The following NT5C1B variants were observed in gnomAD, a reference collection of about 807,000 sequenced individuals.
NT5C1B encodes 5'-nucleotidase, cytosolic IB, also known as cytosolic 5'-nucleotidase 1B.
NT5C1B carries 44 observed loss-of-function variants against 57.8 expected under a neutral mutation model. That is an observed-to-expected ratio of 0.76 (90% CI 0.60 to 0.98). The LOEUF is 0.98. Among genes scored for constraint, NT5C1B ranks in the 50% least tolerant of loss-of-function variants. NT5C1B has a pLI of 0.00. For missense variants in NT5C1B, 742 were observed against 719.5 expected (o/e 1.03, Z -0.36); for synonymous variants, 284 against 282.6 (o/e 1.00, Z -0.05).
chr2:18,589,370 CA>C, intron 1 of NT5C1B, 68 bp downstream of exon 1: 5 of 1,605,692 alleles, frequency 3.1e-6, no homozygotes, highest in Non-Finnish European at 4.3e-6. Context: ...TTTGCAGAGG[CA>C]AATGATGGAC....
chr2:18,576,509 A>G, intron 7 of NT5C1B, 141 bp from the exon 8 acceptor site: 1 of 1,245,674 alleles, frequency 8.0e-7, no homozygotes, highest in Non-Finnish European at 1.1e-6. Flanking sequence ...TCACAACCAC[A>G]GACCTCAGAA....
At chr2:18,578,985 A>G (rs550255943) in intron 6 of NT5C1B, among the ~76,000 whole-genome samples, 1 of 152,340 alleles carries the variant, frequency 6.6e-6, no homozygotes, top group African/African-American at 2.4e-5. Flanking sequence ...TAGCATTTCT[A>G]TATACCAACA....
intron 5 of NT5C1B, chr2:18,583,229 T>G (rs1328258787): frequency 2.5e-6 from 1 of 395,682 alleles, no homozygotes; most frequent in Non-Finnish European, 4.2e-6. Flanking sequence ...TGAAAATTGT[T>G]TCCACTTTGG....
intron 1 of NT5C1B, among the ~76,000 whole-genome samples, chr2:18,588,943 T>G (rs1666963276): frequency 6.6e-6 from 1 of 152,200 alleles, no homozygotes; most frequent in Non-Finnish European, 1.5e-5. Flanking sequence ...TACACCAGCC[T>G]TATTTCCTTA....
At chr2:18,583,235 T>C (rs1666338135) in intron 5 of NT5C1B, 1 of 367,942 alleles carries the variant, frequency 2.7e-6, no homozygotes, top group Non-Finnish European at 4.6e-6. Flanking sequence ...TTGTTTCCAC[T>C]TTGGGTTCAC....
chr2:18,573,289 C>A (rs1195116623), intron 8 of NT5C1B, among the ~76,000 whole-genome samples: 1 of 151,982 alleles, frequency 6.6e-6, no homozygotes, highest in Non-Finnish European at 1.5e-5. Flanking sequence ...AGGATGACTA[C>A]AAAGGGGCAT....
chr2:18,566,516 G>C (rs138890804), intron 8 of NT5C1B, among the ~76,000 whole-genome samples: 2 of 152,264 alleles, frequency 1.3e-5, no homozygotes, highest in African/African-American at 4.8e-5. Flanking sequence ...CATAGTGACT[G>C]TTGGCAGGAA....
intron 6 of NT5C1B, among the ~76,000 whole-genome samples, chr2:18,580,353 C>T (rs142552045): frequency 2.2e-3 from 333 of 152,318 alleles, no homozygotes; most frequent in Non-Finnish European, 2.6e-3. Context: ...GTGGCTCACG[C>T]CTGTAATCCC....
chr2:18,568,264 A>G (rs1044322794), intron 8 of NT5C1B, among the ~76,000 whole-genome samples: 1 of 152,196 alleles, frequency 6.6e-6, no homozygotes, highest in Non-Finnish European at 1.5e-5. Context: ...TGAGAAGACA[A>G]TGGAAGAGCA....
At chr2:18,579,479 A>G (rs2148142953) in intron 6 of NT5C1B, among the ~76,000 whole-genome samples, 1 of 152,326 alleles carries the variant, frequency 6.6e-6, no homozygotes, top group Non-Finnish European at 1.5e-5. Context: ...ACCCAGAAAT[A>G]AAGCCACACA....
At chr2:18,585,578 C>T (rs986924843) in intron 3 of NT5C1B, among the ~76,000 whole-genome samples, 3 of 152,264 alleles carry the variant, frequency 2.0e-5, no homozygotes, top group African/African-American at 7.2e-5. Flanking sequence ...CGGTGAAGCA[C>T]AGTTACATAG....
chr2:18,581,671 T>G (rs138042896), intron 6 of NT5C1B, among the ~76,000 whole-genome samples: 1 of 152,294 alleles, frequency 6.6e-6, no homozygotes, highest in East Asian at 1.9e-4. Flanking sequence ...TCATATGAAT[T>G]TCATCACCCA....
chr2:18,579,070 A>G (rs768363231), intron 6 of NT5C1B, among the ~76,000 whole-genome samples: 2 of 152,214 alleles, frequency 1.3e-5, no homozygotes, highest in Non-Finnish European at 2.9e-5. Context: ...AATACCTAGG[A>G]ATACAGCTAT....
Position 18,584,565 on chromosome 2 carries a change from T to G in NT5C1B, c.672A>C (p.Ala224=). The G allele has an allele frequency of 6.2e-7, 1 of 1,612,862 alleles. No individual in the cohort carries two copies. Among genetic ancestry groups the G allele is most frequent in the South Asian group, 1.1e-5 (1 of 90,828 alleles). ...TCTTCTCGTAGAACGACCTCATGGATGCCCAGTAGGCAGCCTCGTAGTCGT... is the reference window on the plus strand; with the variant it reads ...TCTTCTCGTAGAACGACCTCATGGAGGCCCAGTAGGCAGCCTCGTAGTCGT... Residue 224 remains alanine, a synonymous_variant, in exon 4 of 9, where the codon GCA becomes GCC. Transcript: ENST00000304081. This position sits in a 1 kb window ranked among gnomAD's most constrained non-coding sequence, Gnocchi z 5.8.
intron 3 of NT5C1B, among the ~76,000 whole-genome samples, chr2:18,585,480 T>C (rs888027399): frequency 3.9e-5 from 6 of 152,096 alleles, no homozygotes; most frequent in African/African-American, 1.4e-4. Context: ...CTCTCCCCGC[T>C]CCCCATGTGA....
intron 8 of NT5C1B, 66 bp downstream of exon 8, chr2:18,576,118 T>C (rs1665645530): frequency 6.9e-7 from 1 of 1,447,304 alleles, no homozygotes; most frequent in Non-Finnish European, 9.2e-7. Flanking sequence ...AATGGACCAA[T>C]ATTGATATTT....
At chr2:18,576,738 C>T (rs192356961) in intron 7 of NT5C1B, 35 bp downstream of exon 7, 1 of 1,610,512 alleles carries the variant, frequency 6.2e-7, no homozygotes, top group Admixed American at 1.7e-5. Context: ...GTGTAAACCT[C>T]TTTATTAACT....
chr2:18,573,675 G>A (rs1433824756), intron 8 of NT5C1B, among the ~76,000 whole-genome samples: 1 of 152,030 alleles, frequency 6.6e-6, no homozygotes, highest in Non-Finnish European at 1.5e-5. Flanking sequence ...TTAAGATACT[G>A]TCATGACCAA....
In NT5C1B at chr2:18,564,132, C is replaced by G; in HGVS notation, c.1330-13G>C. 1 of 1,540,950 alleles carries G rather than the reference C, an allele frequency of 6.5e-7. No individual in the cohort carries two copies. Among genetic ancestry groups the G allele is most frequent in the South Asian group, 1.3e-5 (1 of 79,744 alleles). ...CTTTTAGGGGACCCTGTAAAAGGAA[C>G]ATATATCACAGCTGTGATACAGTGA... On this transcript the variant is annotated splice_polypyrimidine_tract_variant and intron_variant, in intron 8 of 8. Coordinates refer to ENST00000304081, the Ensembl canonical transcript of NT5C1B.
Sources: allele counts gnomAD v4.1 joint callset (sites outside exome capture counted in the v4.1 genomes callset), GRCh38; gene constraint gnomAD v4.1.1; non-coding constraint Gnocchi (gnomAD v3.1); transcripts MANE v1.5; gene names NCBI Gene and HGNC (gene_info 2026-07-23, HGNC 2026-07-21).